Variants in SPOCK3 observed in about 807,000 individuals in gnomAD.
SPOCK3 encodes testican-3.
In SPOCK3, 30 loss-of-function variants were observed where a neutral mutation model predicts 56.6. That is an observed-to-expected ratio of 0.53 (90% confidence interval 0.40 to 0.72). SPOCK3 has a LOEUF of 0.72. SPOCK3 is among the 30% of genes least tolerant of loss of function. SPOCK3 has a pLI of 0.00. For missense variants in SPOCK3, 527 were observed against 530.0 expected (o/e 0.99, Z 0.06); for synonymous variants, 196 against 183.3 (o/e 1.07, Z -0.56).
intron 2 of SPOCK3, among the ~76,000 whole-genome samples, chr4:167,143,628 A>G (rs999061846): frequency 1.3e-5 from 2 of 151,850 alleles, no homozygotes; most frequent in African/African-American, 4.8e-5. Flanking sequence ...ATTTTTTTAC[A>G]TTTTTTATCC....
intron 6 of SPOCK3, among the ~76,000 whole-genome samples, chr4:166,865,522 T>C (rs747345122): frequency 3.3e-4 from 51 of 152,266 alleles, no homozygotes; most frequent in Non-Finnish European, 4.4e-4. Context: ...ATTGTATATT[T>C]AGAAAACCCT....
At chr4:167,048,673 C>A (rs960632665) in intron 3 of SPOCK3, among the ~76,000 whole-genome samples, 2 of 152,102 alleles carry the variant, frequency 1.3e-5, no homozygotes, top group Non-Finnish European at 2.9e-5. Context: ...TTATGGTTTT[C>A]TAAATCTAAG....
At chr4:167,043,480 C>T (rs7698025) in intron 3 of SPOCK3, among the ~76,000 whole-genome samples, 2 of 151,928 alleles carry the variant, frequency 1.3e-5, no homozygotes, top group Non-Finnish European at 2.9e-5. Flanking sequence ...TTAGGACTTT[C>T]GTTATAAAGT....
chr4:166,846,529 ATGTTTAATATT>A (rs1350939218), intron 6 of SPOCK3, among the ~76,000 whole-genome samples: 2 of 152,248 alleles, frequency 1.3e-5, no homozygotes, highest in East Asian at 3.9e-4. Flanking sequence ...AAGATGTCTA[ATGTTTAATATT>A]TGAGGCACAA....
intron 2 of SPOCK3, among the ~76,000 whole-genome samples, chr4:167,224,475 T>A (rs1736389271): frequency 6.6e-6 from 1 of 152,124 alleles, no homozygotes; most frequent in African/African-American, 2.4e-5. Flanking sequence ...CTTAAGAGAA[T>A]GCTGTGGAAA....
intron 2 of SPOCK3, among the ~76,000 whole-genome samples, chr4:167,203,961 G>C (rs148364226): frequency 1.3e-5 from 2 of 152,164 alleles, no homozygotes; most frequent in African/African-American, 4.8e-5. Flanking sequence ...GAAACTGCTT[G>C]TTTTCATTTA....
intron 2 of SPOCK3, among the ~76,000 whole-genome samples, chr4:167,186,017 A>G (rs1731919200): frequency 6.6e-6 from 1 of 152,158 alleles, no homozygotes; most frequent in South Asian, 2.1e-4. Context: ...TTTATTTTAC[A>G]ACAGAGCTCT....
At chr4:167,055,266 A>G (rs1754671755) in intron 3 of SPOCK3, among the ~76,000 whole-genome samples, 1 of 152,230 alleles carries the variant, frequency 6.6e-6, no homozygotes, top group Admixed American at 6.5e-5. Flanking sequence ...AGTCTTTTAA[A>G]TGATTTTAAG....
At chr4:166,945,259 A>G (rs541687293) in intron 4 of SPOCK3, among the ~76,000 whole-genome samples, 11 of 152,300 alleles carry the variant, frequency 7.2e-5, no homozygotes, top group African/African-American at 2.6e-4. Context: ...CTCAGTAAAT[A>G]GATATAGGAA....
intron 2 of SPOCK3, among the ~76,000 whole-genome samples, chr4:167,198,997 A>G (rs1009066719): frequency 6.6e-6 from 1 of 152,036 alleles, no homozygotes; most frequent in African/African-American, 2.4e-5. Flanking sequence ...TTCATATTGC[A>G]TTGGCCATAA....
At chr4:167,178,507 C>T (rs1731174270) in intron 2 of SPOCK3, among the ~76,000 whole-genome samples, 1 of 152,114 alleles carries the variant, frequency 6.6e-6, no homozygotes, top group Admixed American at 6.6e-5. Context: ...ACTGAAAGTT[C>T]CAATTTCACC....
At chr4:167,008,405 G>A (rs373945834) in intron 3 of SPOCK3, among the ~76,000 whole-genome samples, 1 of 151,972 alleles carries the variant, frequency 6.6e-6, no homozygotes, top group Non-Finnish European at 1.5e-5. Context: ...GGTAATATTA[G>A]CATGAAGCTA....
chr4:167,217,970 CA>C (rs1350031403), intron 2 of SPOCK3, among the ~76,000 whole-genome samples: 4 of 151,254 alleles, frequency 2.6e-5, no homozygotes, highest in Non-Finnish European at 5.9e-5. Context: ...ACAACAAACA[CA>C]AATCAGAAAC....
intron 3 of SPOCK3, among the ~76,000 whole-genome samples, chr4:167,005,502 C>T (rs1463735935): frequency 6.6e-6 from 1 of 151,902 alleles, no homozygotes; most frequent in Non-Finnish European, 1.5e-5. Flanking sequence ...TGTGAGCCAC[C>T]GCGCACAGAC....
intron 3 of SPOCK3, among the ~76,000 whole-genome samples, chr4:167,046,237 G>A (rs1753701659): frequency 6.6e-6 from 1 of 151,604 alleles, no homozygotes; most frequent in Non-Finnish European, 1.5e-5. Flanking sequence ...CTTCTTTTGA[G>A]TTTTGTTTTG....
intron 2 of SPOCK3, among the ~76,000 whole-genome samples, chr4:167,077,422 GTTC>G (rs1233857789): frequency 6.6e-6 from 1 of 151,814 alleles, no homozygotes; most frequent in Non-Finnish European, 1.5e-5. Flanking sequence ...TGCACAAGAT[GTTC>G]TTATCTAATT....
At chr4:166,828,206 AT>A (rs1268157869) in intron 6 of SPOCK3, among the ~76,000 whole-genome samples, 1 of 152,034 alleles carries the variant, frequency 6.6e-6, no homozygotes, top group East Asian at 1.9e-4. Context: ...ACTAGACTGA[AT>A]ATTAATTCCT....
intron 8 of SPOCK3, among the ~76,000 whole-genome samples, chr4:166,744,448 A>G (rs1420642793): frequency 6.6e-6 from 1 of 152,164 alleles, no homozygotes; most frequent in African/African-American, 2.4e-5. Flanking sequence ...ACATCGACAA[A>G]AAGGACATCC....
At chr4:167,201,617 C>T (rs1233737926) in intron 2 of SPOCK3, among the ~76,000 whole-genome samples, 3 of 151,552 alleles carry the variant, frequency 2.0e-5, no homozygotes, top group African/African-American at 7.2e-5. Context: ...ATATATATTC[C>T]CACATAAATA....
Sources: allele counts gnomAD v4.1 joint callset (sites outside exome capture counted in the v4.1 genomes callset), GRCh38; gene constraint gnomAD v4.1.1; transcripts MANE v1.5; gene names NCBI Gene and HGNC (gene_info 2026-07-23, HGNC 2026-07-21).